Variants in CCSER1 observed in about 807,000 individuals in gnomAD.
The protein encoded by CCSER1 is coiled-coil serine rich protein 1, also known as serine-rich coiled-coil domain-containing protein 1.
A neutral mutation model predicts 82.0 loss-of-function variants in CCSER1; 41 were observed. The observed-to-expected ratio is 0.50, with a 90% CI of 0.39 to 0.65. The LOEUF is 0.65. CCSER1 is among the 30% of genes least tolerant of loss of function. The pLI, the probability that CCSER1 is intolerant of heterozygous loss-of-function variation, is 0.00. For missense variants in CCSER1, 1,119 were observed against 1,064.2 expected, an observed-to-expected ratio of 1.05 and a Z score of -0.72; for synonymous variants, 414 against 383.9, an observed-to-expected ratio of 1.08 and a Z score of -0.92.
intron 10 of CCSER1, among the ~76,000 whole-genome samples, chr4:91,183,741 G>T (rs1734261574): frequency 6.6e-6 from 1 of 152,084 alleles, no homozygotes. Context: ...TAGCAAATCT[G>T]GAGTCTGCTC....
chr4:90,274,292 G>C lies in CCSER1; in HGVS notation c.-41-33952G>C, dbSNP rs1578887411. Among the ~76,000 whole-genome samples the C allele has an allele frequency of 2.0e-5, 3 of 152,200 alleles. No individual in the cohort carries two copies. In the South Asian group the frequency reaches 6.2e-4, roughly 32 times the overall value. On this transcript the variant is annotated intron_variant, in intron 1 of 10. Transcript: ENST00000509176. ...CATGTCATCAGGTGTGGAAGTCATG[G>C]TGGAAAAAAAATAGAAAACTACCAG...
intron 10 of CCSER1, among the ~76,000 whole-genome samples, chr4:91,483,957 G>A (rs1249900011): frequency 1.3e-5 from 2 of 151,090 alleles, no homozygotes; most frequent in Non-Finnish European, 2.9e-5. Flanking sequence ...GCCCAAGTAG[G>A]CAGCCATTTT....
chr4:91,374,124 C>T (rs886368076), intron 10 of CCSER1, among the ~76,000 whole-genome samples: 4 of 151,906 alleles, frequency 2.6e-5, no homozygotes, highest in Admixed American at 1.3e-4. Flanking sequence ...CAAGGTAAAG[C>T]AGTGATGAGG....
intron 10 of CCSER1, among the ~76,000 whole-genome samples, chr4:91,388,186 T>C (rs79355477): frequency 0.019 from 2,837 of 152,118 alleles, 64 homozygotes; most frequent in African/African-American, 0.064. Context: ...CAGCTTGATA[T>C]GTTTCATTTT....
intron 7 of CCSER1, among the ~76,000 whole-genome samples, chr4:90,737,191 T>C (rs1230363836): frequency 1.3e-5 from 2 of 152,172 alleles, no homozygotes; most frequent in Non-Finnish European, 2.9e-5. Context: ...TCTGTGTACT[T>C]ACTATTGCCA....
chr4:91,572,467 T>G (rs771300376), intron 10 of CCSER1, among the ~76,000 whole-genome samples: 1 of 152,080 alleles, frequency 6.6e-6, no homozygotes, highest in Non-Finnish European at 1.5e-5. Flanking sequence ...AATTCCTGGT[T>G]GCCTCAAACA....
rs571885134 is a variant in CCSER1 at position 91,594,545 on chromosome 4, C to T, written c.2218-4027C>T. Among the ~76,000 whole-genome samples, 17 of 150,986 alleles carry T rather than the reference C, an allele frequency of 1.1e-4. No homozygotes were observed. The East Asian group carries it at 3.3e-3, about 29-fold the overall frequency. Reference sequence around the variant, plus strand: ...ATCTTAGATTCCCATCCTTCCGATCCAAATGCATATGCCAAAATGTATTTT... The same window carrying T: ...ATCTTAGATTCCCATCCTTCCGATCTAAATGCATATGCCAAAATGTATTTT... On this transcript the variant is annotated intron_variant, in intron 10 of 10. Coordinates refer to ENST00000509176, the MANE Select transcript of CCSER1 (RefSeq NM_001145065.2).
chr4:90,863,025 G>GTGTGCTGCACCCATTA (rs1765289072), intron 8 of CCSER1, among the ~76,000 whole-genome samples: 1 of 150,074 alleles, frequency 6.7e-6, no homozygotes, highest in South Asian at 2.1e-4. Context: ...TGCCATGCTG[G>GTGTGCTGCACCCATTA]TGTGCTGCAC....
chr4:90,291,988 A>G (rs1731018803), intron 1 of CCSER1, among the ~76,000 whole-genome samples: 1 of 151,956 alleles, frequency 6.6e-6, no homozygotes, highest in East Asian at 1.9e-4. Context: ...ATGAATTACA[A>G]ACCAAAACAT....
At chr4:90,143,541 A>G (rs1269378752) in intron 1 of CCSER1, among the ~76,000 whole-genome samples, 1 of 148,494 alleles carries the variant, frequency 6.7e-6, no homozygotes, top group African/African-American at 2.5e-5. Context: ...GTATTAATAT[A>G]CCATTATAGA....
intron 6 of CCSER1, among the ~76,000 whole-genome samples, chr4:90,640,578 C>T (rs2148981258): frequency 6.6e-6 from 1 of 152,178 alleles, no homozygotes; most frequent in East Asian, 1.9e-4. Context: ...CTTTACGTCC[C>T]CACCCAAATC....
At chr4:90,267,508 A>G (rs1379700952) in intron 1 of CCSER1, among the ~76,000 whole-genome samples, 1 of 152,130 alleles carries the variant, frequency 6.6e-6, no homozygotes, top group Non-Finnish European at 1.5e-5. Context: ...AGAGATAGGT[A>G]GTGGCTATAG....
intron 7 of CCSER1, among the ~76,000 whole-genome samples, chr4:90,730,268 G>A (rs192680839): frequency 6.6e-6 from 1 of 152,316 alleles, no homozygotes; most frequent in African/African-American, 2.4e-5. Context: ...ATTTTTGTGT[G>A]TGTATGAGAG....
intron 9 of CCSER1, among the ~76,000 whole-genome samples, chr4:90,953,604 C>T (rs1285317040): frequency 6.6e-6 from 1 of 151,440 alleles, no homozygotes; most frequent in Non-Finnish European, 1.5e-5. Context: ...CTATACATTC[C>T]TATATCTATG....
At chr4:91,313,736 T>C (rs1324254303) in intron 10 of CCSER1, among the ~76,000 whole-genome samples, 1 of 151,936 alleles carries the variant, frequency 6.6e-6, no homozygotes, top group Admixed American at 6.6e-5. Context: ...GTCTGGAAGA[T>C]GCAAGGCCAC....
At chr4:91,007,450 T>G (rs1738611122) in intron 9 of CCSER1, among the ~76,000 whole-genome samples, 1 of 152,182 alleles carries the variant, frequency 6.6e-6, no homozygotes, top group Non-Finnish European at 1.5e-5. Flanking sequence ...AATTATTGAT[T>G]CAGTCTTGTT....
At chr4:91,480,684 C>T (rs1380998836) in intron 10 of CCSER1, among the ~76,000 whole-genome samples, 1 of 152,132 alleles carries the variant, frequency 6.6e-6, no homozygotes, top group Non-Finnish European at 1.5e-5. Flanking sequence ...ACAGTCATTT[C>T]CTTATCTTTT....
chr4:90,483,111 C>T (rs1766351218), intron 5 of CCSER1, among the ~76,000 whole-genome samples: 2 of 152,168 alleles, frequency 1.3e-5, no homozygotes, highest in Non-Finnish European at 1.5e-5. Flanking sequence ...GAATTGATCC[C>T]TTTACCATTA....
At chr4:91,306,101 G>A (rs74970173) in intron 10 of CCSER1, among the ~76,000 whole-genome samples, 1 of 138,572 alleles carries the variant, frequency 7.2e-6, no homozygotes, top group South Asian at 2.4e-4. Context: ...GTGTGTATAC[G>A]AAAAAAATCC....
Sources: gnomAD v4.1 joint callset for allele counts (sites outside exome capture counted in the v4.1 genomes callset) on GRCh38, gnomAD v4.1.1 for gene constraint, MANE v1.5 for transcripts, NCBI Gene and HGNC (gene_info 2026-07-23, HGNC 2026-07-21) for gene names.